Variants in CCBE1 observed in about 807,000 individuals in gnomAD.
CCBE1 encodes the protein collagen and calcium-binding EGF domain-containing protein 1.
CCBE1 carries 37 observed loss-of-function variants against 50.0 expected under a neutral mutation model. The ratio of observed to expected loss-of-function variants is 0.74; its 90% CI spans 0.57 to 0.97. The LOEUF (loss-of-function observed/expected upper bound fraction) is 0.97. Ranked by LOEUF, CCBE1 falls within the 50% of genes least tolerant of loss-of-function variation. The pLI is 0.00. For synonymous variants in CCBE1, 234 were observed against 203.7 expected (o/e 1.15, Z -1.27); for missense variants, 538 against 523.8 (o/e 1.03, Z -0.26).
intron 2 of CCBE1, among the ~76,000 whole-genome samples, chr18:59,518,707 C>T (rs1473573327): frequency 6.6e-6 from 1 of 152,160 alleles, no homozygotes; most frequent in Non-Finnish European, 1.5e-5. Flanking sequence ...GGAACCCACC[C>T]ACATCCCCTC....
At chr18:59,533,507 G>T (rs1915129503) in intron 2 of CCBE1, among the ~76,000 whole-genome samples, 2 of 151,986 alleles carry the variant, frequency 1.3e-5, no homozygotes, top group African/African-American at 2.4e-5. Context: ...TACCAACTTT[G>T]ACTATGTATA....
At position 59,466,679 on chromosome 18, in the gene CCBE1, TTATA is replaced by T. The variant is rs745835682; in HGVS notation, c.553+56_553+59del. 2.4e-3 allele frequency: 2,853 copies of T among 1,209,518 alleles called. 8 individuals are homozygous for T. Among genetic ancestry groups the T allele is most frequent in the Non-Finnish European group, 3.0e-3 (2,637 of 866,542 alleles). 74.9% of individuals were successfully genotyped at this position (1,209,518 alleles called of 1,614,324 possible). On this transcript the variant is annotated intron_variant, in intron 5 of 10. Transcript: ENST00000439986. ...TATAATATATAAACCCCCAAACTGGTTATATATATAATATATAAAAATATGTAAT... is the reference window on the plus strand; with the variant it reads ...TATAATATATAAACCCCCAAACTGGTTATATAATATATAAAAATATGTAAT...
intron 2 of CCBE1, among the ~76,000 whole-genome samples, chr18:59,515,353 G>C (rs771888490): frequency 6.6e-6 from 1 of 152,166 alleles, no homozygotes; most frequent in Admixed American, 6.5e-5. Context: ...TATGTGCCAG[G>C]CATGTACTAA....
chr18:59,592,859 C>G (rs758424388), intron 2 of CCBE1, among the ~76,000 whole-genome samples: 5 of 151,946 alleles, frequency 3.3e-5, no homozygotes, highest in Non-Finnish European at 7.4e-5. Context: ...GGAACCAATA[C>G]AGGTCAAAGG....
intron 3 of CCBE1, among the ~76,000 whole-genome samples, chr18:59,474,043 C>T (rs1912191185): frequency 6.6e-6 from 1 of 152,220 alleles, no homozygotes; most frequent in Non-Finnish European, 1.5e-5. Context: ...CCAGCTCCAT[C>T]CATGTTTTTG....
intron 5 of CCBE1, among the ~76,000 whole-genome samples, chr18:59,455,983 C>T (rs1436512050): frequency 6.6e-6 from 1 of 152,222 alleles, no homozygotes; most frequent in African/African-American, 2.4e-5. Flanking sequence ...TTCTTCCTGG[C>T]CCGTATACTT....
At chr18:59,592,784 T>C (rs2053290814) in intron 2 of CCBE1, among the ~76,000 whole-genome samples, 1 of 152,198 alleles carries the variant, frequency 6.6e-6, no homozygotes, top group Admixed American at 6.5e-5. Flanking sequence ...ACCATGTTAA[T>C]GTTTCATGTG....
intron 2 of CCBE1, among the ~76,000 whole-genome samples, chr18:59,630,897 A>G (rs1568243087): frequency 1.3e-5 from 2 of 152,240 alleles, no homozygotes; most frequent in African/African-American, 4.8e-5. Context: ...TTAGAGATCT[A>G]GCAATGTGCA....
chr18:59,590,970 C>T lies in CCBE1; in HGVS notation c.212+105659G>A, dbSNP rs540560134. ...ATAAAAAGCTGCTAAGTAGGCCGGGCGCGGTGGCTCACGCTTGTAATCCCA... is the reference window on the plus strand; with the variant it reads ...ATAAAAAGCTGCTAAGTAGGCCGGGTGCGGTGGCTCACGCTTGTAATCCCA... On this transcript the variant is annotated intron_variant, in intron 2 of 10. Transcript: ENST00000439986. Among the ~76,000 whole-genome samples the T allele has an allele frequency of 6.5e-4, 22 of 33,690 alleles. 7 individuals are homozygous for T. The South Asian group carries it at 0.018, about 28-fold the overall frequency. 22.1% of individuals were successfully genotyped at this position (33,690 alleles called of 152,430 possible).
At chr18:59,682,667 A>G (rs1375918259) in intron 2 of CCBE1, among the ~76,000 whole-genome samples, 1 of 152,238 alleles carries the variant, frequency 6.6e-6, no homozygotes, top group Non-Finnish European at 1.5e-5. Flanking sequence ...TTAACTGAAA[A>G]AAAGCAATTG....
chr18:59,522,960 C>T (rs142096086), intron 2 of CCBE1, among the ~76,000 whole-genome samples: 1,387 of 135,136 alleles, frequency 0.01, 27 homozygotes, highest in African/African-American at 0.036. Flanking sequence ...CCACTGCACT[C>T]CAGCCTGGGC....
At chr18:59,609,077 T>A (rs982525781) in intron 2 of CCBE1, among the ~76,000 whole-genome samples, 17 of 152,224 alleles carry the variant, frequency 1.1e-4, no homozygotes, top group African/African-American at 4.1e-4. Context: ...TTCTTGAAAC[T>A]TCCCCCTCTA....
chr18:59,519,057 A>T (rs1914490699), intron 2 of CCBE1, among the ~76,000 whole-genome samples: 1 of 152,154 alleles, frequency 6.6e-6, no homozygotes. Flanking sequence ...ATAACCTCCC[A>T]AATAAACTTC....
chr18:59,478,079 C>T (rs1340306543), intron 3 of CCBE1, among the ~76,000 whole-genome samples: 1 of 152,140 alleles, frequency 6.6e-6, no homozygotes, highest in African/African-American at 2.4e-5. Context: ...ATAGAAAAAA[C>T]CTGACCTCCC....
intron 7 of CCBE1, among the ~76,000 whole-genome samples, chr18:59,444,630 C>T (rs1466993280): frequency 6.6e-6 from 1 of 151,892 alleles, no homozygotes; most frequent in East Asian, 1.9e-4. Flanking sequence ...GATCTTCTAC[C>T]CCTCAGCCTC....
intron 2 of CCBE1, among the ~76,000 whole-genome samples, chr18:59,662,969 T>A (rs1429580): frequency 0.41 from 63,087 of 152,028 alleles, 14,367 homozygotes; most frequent in African/African-American, 0.61. Flanking sequence ...AAAGGCTCAC[T>A]ATAGCAAAAC....
intron 5 of CCBE1, among the ~76,000 whole-genome samples, chr18:59,466,268 A>G (rs8095938): frequency 0.96 from 145,768 of 152,000 alleles, 70,165 homozygotes; most frequent in East Asian, 1. Context: ...GGTCTTTCCC[A>G]TGCTATTCTC....
At chr18:59,541,316 C>G (rs925906946) in intron 2 of CCBE1, among the ~76,000 whole-genome samples, 1 of 152,156 alleles carries the variant, frequency 6.6e-6, no homozygotes. Context: ...AAACTAAAAA[C>G]AAGGACAAAC....
At chr18:59,675,265 C>A (rs1363363718) in intron 2 of CCBE1, among the ~76,000 whole-genome samples, 1 of 152,170 alleles carries the variant, frequency 6.6e-6, no homozygotes, top group Admixed American at 6.5e-5. Flanking sequence ...GTTTGTAGCA[C>A]AAAAACTGAT....
Sources: gnomAD v4.1 joint callset for allele counts (sites outside exome capture counted in the v4.1 genomes callset) on GRCh38, gnomAD v4.1.1 for gene constraint, MANE v1.5 for transcripts, NCBI Gene and HGNC (gene_info 2026-07-23, HGNC 2026-07-21) for gene names.